The following KHDRBS2 variants were observed in gnomAD, a reference collection of about 807,000 sequenced individuals.
KHDRBS2 encodes the protein KH domain-containing, RNA-binding, signal transduction-associated protein 2.
In KHDRBS2, 26 loss-of-function variants were observed where a neutral mutation model predicts 44.3. The observed-to-expected ratio is 0.59, with a 90% confidence interval of 0.43 to 0.81. The LOEUF (loss-of-function observed/expected upper bound fraction) is 0.81, where lower values mean the gene tolerates loss of function less well. Ranked by LOEUF, KHDRBS2 falls within the 40% of genes least tolerant of loss-of-function variation. The pLI is 0.00. For missense variants in KHDRBS2, 476 were observed against 433.1 expected (o/e 1.10, Z -0.88); for synonymous variants, 194 against 151.1 (o/e 1.28, Z -2.08).
intron 6 of KHDRBS2, among the ~76,000 whole-genome samples, chr6:61,756,505 C>A (rs779130183): frequency 1.3e-5 from 2 of 152,158 alleles, no homozygotes; most frequent in Non-Finnish European, 2.9e-5. Context: ...AGTGATCCGC[C>A]AGCCTTGGCC....
chr6:62,080,840 C>A (rs1211197077), intron 2 of KHDRBS2, among the ~76,000 whole-genome samples: 2 of 152,016 alleles, frequency 1.3e-5, no homozygotes, highest in Non-Finnish European at 2.9e-5. Context: ...ACCCTGGCTC[C>A]CACCTTGCTG....
chr6:61,543,270 T>A, the KHDRBS2 span, among the ~76,000 whole-genome samples: 3 of 151,696 alleles, frequency 2.0e-5, no homozygotes, highest in East Asian at 5.9e-4. Context: ...CAGGAAAAAA[T>A]CTCATAATCT....
intron 2 of KHDRBS2, among the ~76,000 whole-genome samples, chr6:62,161,736 CA>C (rs1460902637): frequency 1.3e-5 from 2 of 151,728 alleles, no homozygotes; most frequent in African/African-American, 2.4e-5. Flanking sequence ...ATGTTTAGTT[CA>C]TTTTTTTTGT....
intron 1 of KHDRBS2, among the ~76,000 whole-genome samples, chr6:62,242,644 A>T (rs544249016): frequency 7.2e-4 from 110 of 152,272 alleles, no homozygotes; most frequent in South Asian, 3.3e-3. Context: ...TAAAAAAAAA[A>T]ATATTTTTCC....
chr6:62,024,426 C>T (rs1247950102), intron 3 of KHDRBS2, among the ~76,000 whole-genome samples: 1 of 151,442 alleles, frequency 6.6e-6, no homozygotes, highest in African/African-American at 2.4e-5. Context: ...GCACACACTA[C>T]AAAATTTTCT....
intron 6 of KHDRBS2, among the ~76,000 whole-genome samples, chr6:61,765,666 T>C (rs929550856): frequency 6.6e-6 from 1 of 152,118 alleles, no homozygotes; most frequent in African/African-American, 2.4e-5. Flanking sequence ...GTTCCTTCTA[T>C]ACCCACTTTT....
intron 1 of KHDRBS2, among the ~76,000 whole-genome samples, chr6:62,252,539 T>G (rs190164158): frequency 7.9e-4 from 120 of 152,086 alleles, no homozygotes; most frequent in Non-Finnish European, 1.6e-3. Flanking sequence ...CTCCTTGAGC[T>G]AAGGACTGTA....
chr6:62,009,351 G>A (rs1374525730), intron 3 of KHDRBS2, among the ~76,000 whole-genome samples: 1 of 152,196 alleles, frequency 6.6e-6, no homozygotes, highest in East Asian at 1.9e-4. Context: ...CATTCAAGAG[G>A]TGAGTTGGGT....
Position 62,040,719 on chromosome 6 carries a change from A to G in KHDRBS2, c.336+7159T>C, listed in dbSNP as rs1328802232. 3.3e-5 allele frequency among the ~76,000 whole-genome samples: 5 copies of G among 152,134 alleles called. No individual in the cohort carries two copies. In the East Asian group the frequency reaches 9.7e-4, roughly 29 times the overall value. On this transcript the variant is annotated intron_variant, in intron 3 of 8. Transcript: ENST00000281156. ...CACAGTAAGCAGCATCAGGATTTTC[A>G]GAATCCTTTCAAGGCACCTTTAAAC...
At chr6:61,714,083 A>T (rs1770983865) in intron 7 of KHDRBS2, among the ~76,000 whole-genome samples, 1 of 151,922 alleles carries the variant, frequency 6.6e-6, no homozygotes, top group South Asian at 2.1e-4. Flanking sequence ...ACAGCAAAAT[A>T]AATAATTAAT....
At chr6:61,671,952 C>T in the KHDRBS2 span, among the ~76,000 whole-genome samples, 7 of 151,920 alleles carry the variant, frequency 4.6e-5, no homozygotes, top group Admixed American at 2.6e-4. Flanking sequence ...CCCACTAACT[C>T]GTCATCTAGC....
At chr6:62,034,627 A>T (rs1004551504) in intron 3 of KHDRBS2, among the ~76,000 whole-genome samples, 2 of 149,710 alleles carry the variant, frequency 1.3e-5, no homozygotes, top group Non-Finnish European at 3.0e-5. Flanking sequence ...AAAATTGTGT[A>T]TAGAAGAAAC....
chr6:62,062,650 G>C (rs949255179), intron 2 of KHDRBS2, among the ~76,000 whole-genome samples: 3,038 of 148,570 alleles, frequency 0.02, 108 homozygotes, highest in African/African-American at 0.071. Context: ...GAAATTTACA[G>C]CACTAAATGC....
chr6:61,667,204 A>T, the KHDRBS2 span, among the ~76,000 whole-genome samples: 1 of 150,708 alleles, frequency 6.6e-6, no homozygotes, highest in Non-Finnish European at 1.5e-5. Flanking sequence ...AAGTTATGTT[A>T]ATTTTTATCT....
intron 6 of KHDRBS2, among the ~76,000 whole-genome samples, chr6:61,829,036 T>G (rs931277399): frequency 6.6e-6 from 1 of 152,264 alleles, no homozygotes; most frequent in Non-Finnish European, 1.5e-5. Flanking sequence ...TCCAGAGAGT[T>G]ATATAGAGGT....
At chr6:61,580,444 G>A in the KHDRBS2 span, among the ~76,000 whole-genome samples, 9 of 152,104 alleles carry the variant, frequency 5.9e-5, no homozygotes, top group South Asian at 2.1e-4. Flanking sequence ...TGCCCTCAGC[G>A]GTTACCAACT....
intron 6 of KHDRBS2, among the ~76,000 whole-genome samples, chr6:61,774,095 T>G (rs1343302019): frequency 6.6e-6 from 1 of 152,208 alleles, no homozygotes; most frequent in African/African-American, 2.4e-5. Flanking sequence ...CCAGCTTTGT[T>G]CTTTTGGCTT....
intron 2 of KHDRBS2, among the ~76,000 whole-genome samples, chr6:62,169,171 GTATATA>G (rs538963000): frequency 3.0e-5 from 4 of 134,474 alleles, no homozygotes; most frequent in Admixed American, 7.4e-5. Flanking sequence ...ACACATATAT[GTATATA>G]TGTATATATA....
intron 4 of KHDRBS2, among the ~76,000 whole-genome samples, chr6:61,918,485 A>G (rs2127357258): frequency 6.6e-6 from 1 of 151,970 alleles, no homozygotes; most frequent in Admixed American, 6.6e-5. Flanking sequence ...CCTTATAAGG[A>G]GATACACCAA....
Sources: allele counts gnomAD v4.1 joint callset (sites outside exome capture counted in the v4.1 genomes callset), GRCh38; gene constraint gnomAD v4.1.1; transcripts MANE v1.5; gene names NCBI Gene and HGNC (gene_info 2026-07-23, HGNC 2026-07-21).